Variants in ABCC9 observed in about 807,000 individuals in gnomAD.
ABCC9 encodes the protein ATP binding cassette subfamily C member 9, also known as ATP-binding cassette sub-family C member 9.
A neutral mutation model predicts 188.3 loss-of-function variants in ABCC9; 95 were observed. The ratio of observed to expected loss-of-function variants is 0.50; its 90% CI spans 0.43 to 0.60. The LOEUF is 0.60. Among genes scored for constraint, ABCC9 ranks in the 20% least tolerant of loss-of-function variants. ABCC9 has a pLI of 0.00. For synonymous variants in ABCC9, 659 were observed against 652.7 expected, an observed-to-expected ratio of 1.01 and a Z score of -0.15; for missense variants, 1,102 against 1,876.3, an observed-to-expected ratio of 0.59 and a Z score of 7.62.
At position 21,797,738 on chromosome 12, in the gene ABCC9, G is replaced by A. The variant is rs1007854066; in HGVS notation, c.*3306C>T. The A allele has an allele frequency of 6.6e-5, 10 of 152,166 alleles. No homozygotes were observed. The highest frequency in any genetic ancestry group is 2.4e-4 in the African/African-American group (10 of 41,442). 9.4% of individuals were successfully genotyped at this position (152,166 alleles called of 1,614,324 possible). On this transcript the variant is annotated 3_prime_UTR_variant, in exon 40 of 40. Transcript: ENST00000261200. ...GAGTAGACTTTTAAATGGATCATGA[G>A]TAAGAGTACAAAAATAGATGGTGCA...
rs1945015087 is a variant in ABCC9 at position 21,852,402 on chromosome 12, G to A, written c.2609C>T (p.Thr870Ile). Reference protein sequence around the residue: ...QDDKRTLVLVTHKLQYLTHAD... With the variant: ...QDDKRTLVLVIHKLQYLTHAD... ...ATGCGTCAGATACTGTAATTTGTGAGTCACAAGAACGAGTGTCCTTTTGTC... is the reference window on the plus strand; with the variant it reads ...ATGCGTCAGATACTGTAATTTGTGAATCACAAGAACGAGTGTCCTTTTGTC... Residue 870 changes from threonine (T) to isoleucine (I), a missense_variant, in exon 23 of 40, where the codon ACT becomes ATT. By Grantham distance (89) the Thr-to-Ile change is moderately conservative. Transcript: ENST00000261200. 6.2e-7 allele frequency: 1 copy of A among 1,613,920 alleles called. No homozygotes were observed. Among genetic ancestry groups the A allele is most frequent in the Non-Finnish European group, 8.5e-7 (1 of 1,179,980 alleles).
At chr12:21,809,751 A>G (rs1021406756) in intron 37 of ABCC9, 101 bp downstream of exon 37, 1 of 733,882 alleles carries the variant, frequency 1.4e-6, no homozygotes, top group South Asian at 1.6e-5. Flanking sequence ...ATATAAGGGG[A>G]TTTAACACTA....
intron 31 of ABCC9, among the ~76,000 whole-genome samples, chr12:21,824,574 A>T (rs1453072487): frequency 2.0e-5 from 3 of 152,140 alleles, no homozygotes; most frequent in African/African-American, 7.2e-5. Context: ...TGATACCAGC[A>T]TCTCTTTGTA....
At chr12:21,929,721 A>G (rs1009252790) in intron 4 of ABCC9, among the ~76,000 whole-genome samples, 2 of 152,094 alleles carry the variant, frequency 1.3e-5, no homozygotes, top group African/African-American at 4.8e-5. Flanking sequence ...AAAAAGCAAA[A>G]CTAAATGTTT....
At chr12:21,839,784 C>A (rs556776410) in intron 29 of ABCC9, among the ~76,000 whole-genome samples, 1 of 152,276 alleles carries the variant, frequency 6.6e-6, no homozygotes, top group Admixed American at 6.5e-5. Flanking sequence ...CCATTCCTGG[C>A]TGCCAGTGTA....
intron 8 of ABCC9, among the ~76,000 whole-genome samples, chr12:21,911,556 A>G (rs983741068): frequency 1.3e-5 from 2 of 152,018 alleles, no homozygotes; most frequent in African/African-American, 4.8e-5. Flanking sequence ...ATTCAGCATA[A>G]GGATATCCAA....
At chr12:21,901,651 A>C (rs1394664722) in intron 12 of ABCC9, among the ~76,000 whole-genome samples, 2 of 152,336 alleles carry the variant, frequency 1.3e-5, no homozygotes, top group Non-Finnish European at 2.9e-5. Flanking sequence ...CAGAGGTTGC[A>C]ATCCTAGTCT....
At chr12:21,887,087 G>T (rs948345992) in intron 15 of ABCC9, among the ~76,000 whole-genome samples, 7 of 151,736 alleles carry the variant, frequency 4.6e-5, no homozygotes, top group Admixed American at 2.0e-4. Context: ...CACATGTCTT[G>T]TTCATTGCTA....
chr12:21,868,676 CATGTA>C (rs1223312558), intron 18 of ABCC9, among the ~76,000 whole-genome samples: 1 of 152,006 alleles, frequency 6.6e-6, no homozygotes, highest in Non-Finnish European at 1.5e-5. Flanking sequence ...ATCAGAGACA[CATGTA>C]ATGGTGAAAG....
Position 21,799,439 on chromosome 12 carries a change from C to A in ABCC9, c.*1605G>T, listed in dbSNP as rs1266700350. On this transcript the variant is annotated 3_prime_UTR_variant, in exon 40 of 40. Transcript: ENST00000261200. ...ATTTGCAAGACATAATTAATGAGTACCAATCCTATTCTGTTTAGCTTTAAG... is the reference window on the plus strand; with the variant it reads ...ATTTGCAAGACATAATTAATGAGTAACAATCCTATTCTGTTTAGCTTTAAG... The A allele has an allele frequency of 6.6e-6, 1 of 151,994 alleles. No individual in the cohort carries two copies. Among genetic ancestry groups the A allele is most frequent in the Non-Finnish European group, 1.5e-5 (1 of 67,994 alleles). 9.4% of individuals were successfully genotyped at this position (151,994 alleles called of 1,614,324 possible).
At chr12:21,880,315 T>C (rs529196296) in intron 16 of ABCC9, among the ~76,000 whole-genome samples, 3 of 152,196 alleles carry the variant, frequency 2.0e-5, no homozygotes, top group East Asian at 3.9e-4. Context: ...TGGAACGTCT[T>C]CATGGCCTCT....
intron 29 of ABCC9, among the ~76,000 whole-genome samples, chr12:21,840,223 T>C (rs759355296): frequency 3.9e-5 from 6 of 152,178 alleles, no homozygotes; most frequent in Non-Finnish European, 7.4e-5. Context: ...AAGTTCTCTT[T>C]AGTGTATACA....
At position 21,814,723 on chromosome 12, in the gene ABCC9, C is replaced by G; in HGVS notation, c.4024-1G>C. 2 of 1,613,598 alleles carry G rather than the reference C, an allele frequency of 1.2e-6. No individual in the cohort carries two copies. Among genetic ancestry groups the G allele is most frequent in the Non-Finnish European group, 1.7e-6 (2 of 1,179,682 alleles). On this transcript the variant is annotated splice_acceptor_variant, in intron 34 of 39. Transcript: ENST00000261200. LOFTEE classifies it high-confidence loss of function. ...TGCCAGTGCGACCACATATGCCCAC[C>G]TAGGAAAACAGCTGTCACTCAAAGA...
At chr12:21,820,858 A>G (rs1042256181) in intron 31 of ABCC9, among the ~76,000 whole-genome samples, 1 of 151,992 alleles carries the variant, frequency 6.6e-6, no homozygotes, top group Non-Finnish European at 1.5e-5. Flanking sequence ...ATTTTCCTCA[A>G]AGCACTCCGA....
At chr12:21,868,455 C>T (rs113424632) in intron 18 of ABCC9, among the ~76,000 whole-genome samples, 1,533 of 152,060 alleles carry the variant, frequency 0.01, 26 homozygotes, top group African/African-American at 0.035. Context: ...CTGGCAAACA[C>T]GGTGAAGCCC....
chr12:21,813,675 T>A (rs187627103), intron 35 of ABCC9, among the ~76,000 whole-genome samples: 1 of 152,308 alleles, frequency 6.6e-6, no homozygotes, highest in East Asian at 1.9e-4. Context: ...CCTTAAAGTA[T>A]CTGTGCATTA....
chr12:21,855,221 A>G (rs545648204), intron 22 of ABCC9, among the ~76,000 whole-genome samples: 3 of 152,056 alleles, frequency 2.0e-5, no homozygotes, highest in African/African-American at 7.2e-5. Context: ...TTATTTATTT[A>G]TTTATTTATT....
At chr12:21,927,147 CA>C (rs537983292) in intron 4 of ABCC9, among the ~76,000 whole-genome samples, 177 of 152,250 alleles carry the variant, frequency 1.2e-3, no homozygotes, top group South Asian at 2.9e-3. Flanking sequence ...TGAAACAATA[CA>C]ACATGTTCAA....
At chr12:21,861,684 C>A (rs917766902) in intron 20 of ABCC9, among the ~76,000 whole-genome samples, 1 of 152,124 alleles carries the variant, frequency 6.6e-6, no homozygotes, top group Admixed American at 6.6e-5. Flanking sequence ...TGAGAAGTAT[C>A]AGAGGAGGCA....
Sources: allele counts gnomAD v4.1 joint callset (sites outside exome capture counted in the v4.1 genomes callset), GRCh38; gene constraint gnomAD v4.1.1; transcripts MANE v1.5; gene names NCBI Gene and HGNC (gene_info 2026-07-23, HGNC 2026-07-21).